OSBP2: variants seen among roughly 807,000 people sequenced by gnomAD.
OSBP2 encodes the protein oxysterol binding protein 2, also known as oxysterol-binding protein 2.
Under a neutral mutation model 96.0 loss-of-function variants are expected in OSBP2, and 66 were observed. That is an observed-to-expected ratio of 0.69 (90% CI 0.56 to 0.84). The LOEUF (loss-of-function observed/expected upper bound fraction) is 0.84, where lower values mean the gene tolerates loss of function less well. Among genes scored for constraint, OSBP2 ranks in the 40% least tolerant of loss-of-function variants. The pLI is 0.00. For missense variants in OSBP2, 1,038 were observed against 1,222.7 expected (o/e 0.85, Z 2.25); for synonymous variants, 525 against 520.9 (o/e 1.01, Z -0.11).
intron 3 of OSBP2, among the ~76,000 whole-genome samples, chr22:30,877,583 G>T (rs1297908099): frequency 6.6e-6 from 1 of 152,196 alleles, no homozygotes; most frequent in Non-Finnish European, 1.5e-5. Context: ...AAGTGAAAAA[G>T]CTGCGGGAGC....
chr22:30,742,815 A>G lies in OSBP2; in HGVS notation c.853+1446A>G, dbSNP rs141280512. ...CCATGAGTAACCTTGCAAGTACTTC[A>G]TTTCATGCACATGTGAGTATAAATG... On this transcript the variant is annotated intron_variant, in intron 2 of 13. Transcript: ENST00000332585. 1.3e-3 allele frequency among the ~76,000 whole-genome samples: 199 copies of G among 152,254 alleles called. 1 individual carries two copies. In the East Asian group the frequency reaches 0.028, roughly 21 times the overall value.
At chr22:30,784,992 T>G (rs2145814975) in intron 2 of OSBP2, among the ~76,000 whole-genome samples, 1 of 152,220 alleles carries the variant, frequency 6.6e-6, no homozygotes, top group Admixed American at 6.5e-5. Flanking sequence ...CAGGCTGGTC[T>G]TGAACTCCTG....
intron 2 of OSBP2, among the ~76,000 whole-genome samples, chr22:30,828,942 C>A (rs1024836738): frequency 6.6e-6 from 1 of 152,154 alleles, no homozygotes; most frequent in Non-Finnish European, 1.5e-5. Flanking sequence ...AAAAGAGGGT[C>A]ATGATGGGGC....
At chr22:30,703,227 G>T (rs1330106657) in intron 1 of OSBP2, among the ~76,000 whole-genome samples, 1 of 151,850 alleles carries the variant, frequency 6.6e-6, no homozygotes, top group African/African-American at 2.4e-5. Context: ...AGGCTGAAGT[G>T]CAGTGGCAAA....
intron 1 of OSBP2, among the ~76,000 whole-genome samples, chr22:30,738,035 C>T (rs1378381126): frequency 6.6e-6 from 1 of 151,926 alleles, no homozygotes; most frequent in Non-Finnish European, 1.5e-5. Context: ...CTTAACGTAG[C>T]CTACAAGGTA....
At chr22:30,702,158 A>G (rs1280115549) in intron 1 of OSBP2, among the ~76,000 whole-genome samples, 1 of 151,942 alleles carries the variant, frequency 6.6e-6, no homozygotes, top group Non-Finnish European at 1.5e-5. Context: ...TATCTCCTCT[A>G]GCTCCTCCTC....
chr22:30,710,751 C>T (rs370798341), intron 1 of OSBP2, among the ~76,000 whole-genome samples: 9 of 152,308 alleles, frequency 5.9e-5, no homozygotes, highest in African/African-American at 2.2e-4. Flanking sequence ...GCTGGGATTA[C>T]AGGCATGTGC....
At chr22:30,797,542 A>G (rs2090781782) in intron 2 of OSBP2, among the ~76,000 whole-genome samples, 1 of 151,488 alleles carries the variant, frequency 6.6e-6, no homozygotes. Flanking sequence ...TCGGCCTCCC[A>G]AAGTGCTGGG....
intron 2 of OSBP2, among the ~76,000 whole-genome samples, chr22:30,778,810 T>A (rs1416248624): frequency 1.3e-5 from 2 of 151,804 alleles, no homozygotes; most frequent in Admixed American, 6.6e-5. Flanking sequence ...CTGAGGCCGG[T>A]TGGTCACTTG....
chr22:30,775,116 C>T (rs781767879), intron 2 of OSBP2, among the ~76,000 whole-genome samples: 3 of 152,030 alleles, frequency 2.0e-5, no homozygotes, highest in African/African-American at 4.8e-5. Flanking sequence ...CACAGTGTTG[C>T]GCGGCCATCA....
At chr22:30,723,821 A>G (rs2089595909) in intron 1 of OSBP2, among the ~76,000 whole-genome samples, 1 of 152,180 alleles carries the variant, frequency 6.6e-6, no homozygotes, top group African/African-American at 2.4e-5. Context: ...ACACAGGCAT[A>G]TCGTCCCCCG....
chr22:30,849,357 C>G (rs765275047), intron 2 of OSBP2, among the ~76,000 whole-genome samples: 10 of 152,170 alleles, frequency 6.6e-5, no homozygotes, highest in Non-Finnish European at 1.2e-4. Context: ...CATTTTACAT[C>G]CCCACCAGCA....
chr22:30,852,997 C>T (rs1351009105), intron 2 of OSBP2, among the ~76,000 whole-genome samples: 1 of 151,948 alleles, frequency 6.6e-6, no homozygotes, highest in African/African-American at 2.4e-5. Context: ...TACTCTTTAT[C>T]GTTTAAAATT....
At chr22:30,712,558 G>C (rs946283114) in intron 1 of OSBP2, among the ~76,000 whole-genome samples, 4 of 152,170 alleles carry the variant, frequency 2.6e-5, no homozygotes, top group African/African-American at 9.7e-5. Flanking sequence ...ATCAGGAATA[G>C]AATATTGCAG....
intron 2 of OSBP2, among the ~76,000 whole-genome samples, chr22:30,757,697 C>T (rs992234786): frequency 6.6e-6 from 1 of 152,136 alleles, no homozygotes; most frequent in Non-Finnish European, 1.5e-5. Context: ...GGATTACAGA[C>T]ATGAGCCACT....
intron 1 of OSBP2, among the ~76,000 whole-genome samples, chr22:30,719,854 AAAAC>A (rs944764014): frequency 9.2e-5 from 14 of 152,270 alleles, no homozygotes; most frequent in South Asian, 4.1e-4. Flanking sequence ...CCATCTCTCA[AAAAC>A]AAACAAACAA....
chr22:30,844,676 T>A (rs575304262), intron 2 of OSBP2: 1 of 152,338 alleles, frequency 6.6e-6, no homozygotes, highest in Admixed American at 6.5e-5. Flanking sequence ...TAAAACTTTC[T>A]ATCAGCAATA....
At chr22:30,694,368 G>T, upstream of OSBP2, 1 of 1,523,560 alleles carries the variant, frequency 6.6e-7, no homozygotes. Flanking sequence ...TGGGGGGCGG[G>T]GCGTCGTCTT....
In OSBP2 at chr22:30,870,442, C is replaced by T. The variant is rs376288614; in HGVS notation, c.867C>T (p.Asp289=). The T allele has an allele frequency of 1.1e-5, 18 of 1,613,740 alleles. No individual in the cohort carries two copies. Among genetic ancestry groups the T allele is most frequent in the African/African-American group, 5.3e-5 (4 of 74,930 alleles). ...VMNTHSDDSG[D]DDEATTPADK... is the part of the protein sequence containing the mutation. ...TTTCTTCCACAGATGACTCTGGGGACGACGACGAGGCTACCACCCCAGCCG... is the reference window on the plus strand; with the variant it reads ...TTTCTTCCACAGATGACTCTGGGGATGACGACGAGGCTACCACCCCAGCCG... The change falls in exon 3 of 14, where the codon GAC becomes GAT. Residue 289 remains aspartate (D), a synonymous_variant. Transcript: ENST00000332585. The surrounding 1 kb of genome is among the most constrained non-coding windows in gnomAD (Gnocchi z 4.1).
Sources: allele counts gnomAD v4.1 joint callset (sites outside exome capture counted in the v4.1 genomes callset), GRCh38; gene constraint gnomAD v4.1.1; non-coding constraint Gnocchi (gnomAD v3.1); transcripts MANE v1.5; gene names NCBI Gene and HGNC (gene_info 2026-07-23, HGNC 2026-07-21).